BCOR: variants seen among roughly 807,000 people sequenced by gnomAD.
The protein encoded by BCOR is BCL6 corepressor, also known as BCL-6 corepressor.
Under a neutral mutation model 86.7 loss-of-function variants are expected in BCOR, and 10 were observed. The observed-to-expected ratio is 0.12, with a 90% CI of 0.07 to 0.20. The LOEUF is 0.20. Among genes scored for constraint, BCOR ranks in the 10% least tolerant of loss-of-function variants. BCOR has a pLI of 1.00. For synonymous variants in BCOR, 611 were observed against 609.0 expected (o/e 1.00, Z -0.05); for missense variants, 1,259 against 1,452.1 (o/e 0.87, Z 2.16).
At chrX:40,102,100 C>T (rs1937083863), upstream of BCOR, among the ~76,000 whole-genome samples, 1 of 112,682 alleles carries the variant, frequency 8.9e-6, no homozygotes, top group Non-Finnish European at 1.9e-5. Context: ...TTTCACTCAT[C>T]TGGAAACATC....
In BCOR at chrX:40,160,073, G is replaced by A. The variant is rs187639451; in HGVS notation, c.-41+16934C>T. On this transcript the variant is annotated intron_variant, in intron 1 of 14. Transcript: ENST00000342274. ...AAGGGAAAGTATGGTACAGAGATCT[G>A]AAATCCCCCTCCACCATCAGATGGT... 4.5e-3 allele frequency among the ~76,000 whole-genome samples: 505 copies of A among 111,958 alleles called. 1 individual carries two copies. Among genetic ancestry groups the A allele is most frequent in the African/African-American group, 0.016 (477 of 30,759 alleles).
intron 1 of BCOR, among the ~76,000 whole-genome samples, chrX:40,096,903 C>T (rs1413960644): frequency 9.0e-6 from 1 of 110,625 alleles, no homozygotes; most frequent in East Asian, 2.9e-4. Context: ...CAGACACACA[C>T]AGGCTGCAAA....
intron 1 of BCOR, among the ~76,000 whole-genome samples, chrX:40,084,731 G>A (rs912726150): frequency 1.7e-4 from 16 of 93,270 alleles, no homozygotes; most frequent in Non-Finnish European, 8.2e-5. Flanking sequence ...CACCACCGAA[G>A]GGAACAAGCT....
intron 1 of BCOR, among the ~76,000 whole-genome samples, chrX:40,105,085 T>G: frequency 9.1e-6 from 1 of 109,613 alleles, no homozygotes; most frequent in Admixed American, 9.4e-5. Flanking sequence ...GCGCTTCACG[T>G]GCCCGCCATA....
At position 40,110,622 on chromosome X, in the gene BCOR, A is replaced by ATCAACCAT. The variant is rs1458860904; in HGVS notation, c.-40-32661_-40-32654dup. 1.1e-4 allele frequency among the ~76,000 whole-genome samples: 10 copies of ATCAACCAT among 89,936 alleles called. No homozygotes were observed. In the Admixed American group the frequency reaches 1.2e-3, roughly 11 times the overall value. 78.1% of individuals were successfully genotyped at this position (89,936 alleles called of 115,157 possible). On this transcript the variant is annotated intron_variant, in intron 1 of 14. Transcript: ENST00000342274. Reference sequence around the variant, plus strand: ...TTGTAGATCCTGTACCTCTAAGACAATCAACCATTTTCTTTTCTTTTCTTT... The same window carrying ATCAACCAT: ...TTGTAGATCCTGTACCTCTAAGACAATCAACCATTCAACCATTTTCTTTTCTTTTCTTT...
intron 1 of BCOR, among the ~76,000 whole-genome samples, chrX:40,088,027 G>C (rs1936435012): frequency 8.9e-6 from 1 of 112,398 alleles, no homozygotes; most frequent in Non-Finnish European, 1.9e-5. Context: ...ACTGTTAAAT[G>C]CCTAGGAGTT....
intron 3 of BCOR, among the ~76,000 whole-genome samples, chrX:40,075,703 G>A (rs1334413411): frequency 9.0e-6 from 1 of 111,496 alleles, no homozygotes; most frequent in Non-Finnish European, 1.9e-5. Flanking sequence ...AGGTTGCGGT[G>A]AGCCAAGACT....
chrX:40,161,171 C>T (rs1403685049), intron 1 of BCOR, among the ~76,000 whole-genome samples: 3 of 105,717 alleles, frequency 2.8e-5, no homozygotes, highest in Middle Eastern at 9.3e-3. Flanking sequence ...CCATGCCCGG[C>T]TAATTTTTGT....
chrX:40,064,211 C>T (rs897023143), intron 7 of BCOR, 125 bp downstream of exon 7: 34 of 1,035,805 alleles, frequency 3.3e-5, no homozygotes, highest in African/African-American at 9.3e-5. Flanking sequence ...TGCGCCCCCA[C>T]GGCTTCCCCT....
At chrX:40,058,062 T>C (rs1934687723) in intron 10 of BCOR, among the ~76,000 whole-genome samples, 1 of 112,062 alleles carries the variant, frequency 8.9e-6, no homozygotes, top group Non-Finnish European at 1.9e-5. Context: ...CTTAAGTTAA[T>C]GACAGGAATC....
chrX:40,084,697 G>A (rs1451625360), intron 1 of BCOR, among the ~76,000 whole-genome samples: 4 of 95,991 alleles, frequency 4.2e-5, no homozygotes, highest in East Asian at 6.4e-4. Context: ...AAACGCCGTC[G>A]CCGCCACCCC....
At chrX:40,105,364 G>A (rs981878311) in intron 1 of BCOR, among the ~76,000 whole-genome samples, 15 of 112,140 alleles carry the variant, frequency 1.3e-4, no homozygotes, top group Non-Finnish European at 1.9e-4. Flanking sequence ...CACGGGGACC[G>A]GAAGCCCTCG....
At chrX:40,141,761 C>G (rs963874154) in intron 1 of BCOR, among the ~76,000 whole-genome samples, 10 of 111,041 alleles carry the variant, frequency 9.0e-5, no homozygotes, top group Non-Finnish European at 9.5e-5. Flanking sequence ...CCTAGGGCAA[C>G]AAAGTCAGGC....
intron 1 of BCOR, among the ~76,000 whole-genome samples, chrX:40,114,367 G>A (rs1195592997): frequency 1.8e-5 from 2 of 111,542 alleles, no homozygotes; most frequent in Non-Finnish European, 3.8e-5. Flanking sequence ...TCGGCTGGAG[G>A]AGCCAAGTGA....
At chrX:40,090,400 C>T (rs1286586620) in intron 1 of BCOR, among the ~76,000 whole-genome samples, 1 of 113,143 alleles carries the variant, frequency 8.8e-6, no homozygotes, top group Admixed American at 9.2e-5. Context: ...ACTTTCCGGC[C>T]TTGGCGAACG....
intron 1 of BCOR, among the ~76,000 whole-genome samples, chrX:40,176,698 C>A (rs1406993728): frequency 1.8e-5 from 2 of 111,122 alleles, no homozygotes; most frequent in African/African-American, 6.5e-5. Flanking sequence ...TCGCTCCGGG[C>A]TCGGGGAGCC....
At chrX:40,125,422 C>A (rs4827035) in intron 1 of BCOR, among the ~76,000 whole-genome samples, 1 of 110,753 alleles carries the variant, frequency 9.0e-6, no homozygotes, top group Non-Finnish European at 1.9e-5. Context: ...TTACTAGAGA[C>A]GGGGTTTCAC....
intron 1 of BCOR, among the ~76,000 whole-genome samples, chrX:40,090,453 A>C (rs1472627239): frequency 8.9e-6 from 1 of 112,380 alleles, no homozygotes; most frequent in Non-Finnish European, 1.9e-5. Flanking sequence ...CAGTTCGGGG[A>C]GGGGCGGGGC....
intron 1 of BCOR, among the ~76,000 whole-genome samples, chrX:40,090,831 G>A (rs1407446499): frequency 8.9e-6 from 1 of 111,813 alleles, no homozygotes; most frequent in Non-Finnish European, 1.9e-5. Context: ...TAGCACGACT[G>A]CGAGCGTCTG....
Sources: allele counts gnomAD v4.1 joint callset (sites outside exome capture counted in the v4.1 genomes callset), GRCh38; gene constraint gnomAD v4.1.1; transcripts MANE v1.5; gene names NCBI Gene and HGNC (gene_info 2026-07-23, HGNC 2026-07-21).